SYT16: variants seen among roughly 807,000 people sequenced by gnomAD.
SYT16 encodes the protein synaptotagmin-16.
SYT16 carries 42 observed loss-of-function variants against 61.4 expected under a neutral mutation model. The observed-to-expected ratio is 0.68, with a 90% CI of 0.53 to 0.89. The LOEUF (loss-of-function observed/expected upper bound fraction) is 0.89, where lower values mean the gene tolerates loss of function less well. Among genes scored for constraint, SYT16 ranks in the 40% least tolerant of loss-of-function variants. SYT16 has a pLI of 0.00. For missense variants in SYT16, 804 were observed against 807.3 expected (o/e 1.00, Z 0.05); for synonymous variants, 314 against 302.3 (o/e 1.04, Z -0.40).
chr14:62,075,012 G>A, intron 4 of SYT16, 123 bp from the exon 5 acceptor site: 6 of 1,004,178 alleles, frequency 6.0e-6, no homozygotes, highest in Non-Finnish European at 7.2e-6. Flanking sequence ...GTTTCTGCAG[G>A]TATTATTGGT....
chr14:61,909,070 G>A (rs1664684459), intron 1 of SYT16, among the ~76,000 whole-genome samples: 1 of 152,098 alleles, frequency 6.6e-6, no homozygotes, highest in Admixed American at 6.6e-5. Context: ...AAAGTGCTGG[G>A]ATTACAGGCA....
At chr14:61,935,522 T>C (rs943793059) in intron 1 of SYT16, among the ~76,000 whole-genome samples, 1 of 152,184 alleles carries the variant, frequency 6.6e-6, no homozygotes, top group East Asian at 1.9e-4. Flanking sequence ...ATGGGCACCT[T>C]GGTCATTCTC....
At chr14:61,843,278 A>G (rs1288293811) in intron 1 of SYT16, among the ~76,000 whole-genome samples, 3 of 152,212 alleles carry the variant, frequency 2.0e-5, no homozygotes, top group Non-Finnish European at 4.4e-5. Flanking sequence ...TTTAACTGGA[A>G]TGAGGTGATA....
intron 1 of SYT16, among the ~76,000 whole-genome samples, chr14:61,966,105 C>T (rs1416535969): frequency 6.6e-6 from 1 of 150,960 alleles, no homozygotes; most frequent in Non-Finnish European, 1.5e-5. Context: ...AATGTTATAC[C>T]CATCCATAGT....
At chr14:61,925,577 C>T (rs2140414491) in intron 1 of SYT16, among the ~76,000 whole-genome samples, 1 of 152,162 alleles carries the variant, frequency 6.6e-6, no homozygotes, top group East Asian at 1.9e-4. Flanking sequence ...AAGGGGGTTT[C>T]TTCTCTAAGA....
intron 1 of SYT16, among the ~76,000 whole-genome samples, chr14:61,886,437 A>G (rs573253008): frequency 1.6e-4 from 25 of 152,174 alleles, no homozygotes; most frequent in Non-Finnish European, 3.4e-4. Flanking sequence ...CTTCTTTATC[A>G]ACTAAGCTTT....
chr14:61,902,871 A>T (rs894697034), intron 1 of SYT16, among the ~76,000 whole-genome samples: 1 of 152,194 alleles, frequency 6.6e-6, no homozygotes, highest in Non-Finnish European at 1.5e-5. Flanking sequence ...AGATTTATTC[A>T]CTACCACGAG....
At chr14:61,817,659 T>A (rs2045485218) in intron 1 of SYT16, among the ~76,000 whole-genome samples, 1 of 152,122 alleles carries the variant, frequency 6.6e-6, no homozygotes, top group South Asian at 2.1e-4. Context: ...AATGGATGAT[T>A]TCAGGTTATA....
intron 1 of SYT16, among the ~76,000 whole-genome samples, chr14:61,871,558 A>T (rs562371322): frequency 3.9e-4 from 60 of 152,194 alleles, no homozygotes; most frequent in Non-Finnish European, 4.0e-4. Context: ...GGATCACTTC[A>T]TTCATTTATT....
intron 1 of SYT16, among the ~76,000 whole-genome samples, chr14:61,870,775 C>G (rs973034926): frequency 1.4e-4 from 22 of 152,150 alleles, no homozygotes; most frequent in African/African-American, 5.1e-4. Flanking sequence ...TATTATTCAT[C>G]TCCATAAATT....
chr14:62,050,644 GT>G (rs2055235614), intron 3 of SYT16, among the ~76,000 whole-genome samples: 4 of 152,120 alleles, frequency 2.6e-5, no homozygotes, highest in Admixed American at 2.6e-4. Context: ...GTACAGATGG[GT>G]TTTTGGTGTG....
At chr14:61,899,780 G>T (rs914014464) in intron 1 of SYT16, among the ~76,000 whole-genome samples, 2 of 152,190 alleles carry the variant, frequency 1.3e-5, no homozygotes, top group Non-Finnish European at 2.9e-5. Context: ...AAAGACAGAT[G>T]AGCTGATGTG....
chr14:62,106,345 T>A lies in SYT16; in HGVS notation c.*5638T>A, dbSNP rs2057512929. ...ATTGGAAGGTGAAACATTGGCTGAA[T>A]TTATTGGGGCAAGTGTCTAGGAAGC... On this transcript the variant is annotated 3_prime_UTR_variant, in exon 8 of 8. Coordinates refer to ENST00000683842, the MANE Select transcript of SYT16 (RefSeq NM_001367656.1). 2 of 152,136 alleles carry A rather than the reference T, an allele frequency of 1.3e-5. No individual in the cohort carries two copies. The highest frequency in any genetic ancestry group is 6.5e-5 in the Admixed American group (1 of 15,270). 9.4% of individuals were successfully genotyped at this position (152,136 alleles called of 1,614,324 possible).
chr14:62,019,257 G>A (rs540227840), intron 3 of SYT16, among the ~76,000 whole-genome samples: 19 of 152,146 alleles, frequency 1.2e-4, no homozygotes, highest in Non-Finnish European at 2.4e-4. Flanking sequence ...ATTAGAATGC[G>A]CCTTTCTCTT....
At chr14:61,980,454 A>G (rs1052517922) in intron 2 of SYT16, among the ~76,000 whole-genome samples, 10 of 152,242 alleles carry the variant, frequency 6.6e-5, no homozygotes, top group Non-Finnish European at 1.3e-4. Flanking sequence ...CAAATAATTG[A>G]GAATTGATAT....
rs555938515 is a variant in SYT16 at position 61,859,713 on chromosome 14, C to T, written c.-325+46903C>T. ...AGCACTGGAAAACCAAATTAAGTCA[C>T]CTGAGATTCCTAGCTCAAGTGCTCA... is the stretch of plus-strand genomic sequence containing the variant. On this transcript the variant is annotated intron_variant, in intron 1 of 7. Transcript: ENST00000683842. Among the ~76,000 whole-genome samples the T allele has an allele frequency of 1.1e-4, 16 of 152,082 alleles. No homozygotes were observed. In the South Asian group the frequency reaches 2.9e-3, roughly 28 times the overall value.
chr14:62,073,511 C>T (rs536904125), intron 4 of SYT16, among the ~76,000 whole-genome samples: 50 of 152,098 alleles, frequency 3.3e-4, no homozygotes, highest in Admixed American at 2.0e-3. Context: ...GCCAAATAAC[C>T]GAAAGTCTGG....
At chr14:61,823,055 C>T (rs1281846434) in intron 1 of SYT16, among the ~76,000 whole-genome samples, 1 of 152,058 alleles carries the variant, frequency 6.6e-6, no homozygotes, top group Non-Finnish European at 1.5e-5. Flanking sequence ...TGCAGTAGCA[C>T]GATCTCAGCT....
intron 1 of SYT16, among the ~76,000 whole-genome samples, chr14:61,851,624 C>G (rs901368773): frequency 6.6e-6 from 1 of 152,182 alleles, no homozygotes; most frequent in African/African-American, 2.4e-5. Flanking sequence ...GAGGTGATGT[C>G]TCACTGTGGT....
Sources: allele counts gnomAD v4.1 joint callset (sites outside exome capture counted in the v4.1 genomes callset), GRCh38; gene constraint gnomAD v4.1.1; transcripts MANE v1.5; gene names NCBI Gene and HGNC (gene_info 2026-07-23, HGNC 2026-07-21).